The following ARHGEF7 variants were observed in gnomAD, a reference collection of about 807,000 sequenced individuals.
ARHGEF7 encodes the protein PAK-interacting exchange factor beta.
Under a neutral mutation model 109.8 loss-of-function variants are expected in ARHGEF7, and 33 were observed. That is an observed-to-expected ratio of 0.30 (90% CI 0.23 to 0.40). The LOEUF (loss-of-function observed/expected upper bound fraction) is 0.40. ARHGEF7 is among the 10% of genes least tolerant of loss of function. The pLI is 1.00. For synonymous variants in ARHGEF7, 458 were observed against 424.6 expected (o/e 1.08, Z -0.97); for missense variants, 938 against 1,098.5 (o/e 0.85, Z 2.07).
chr13:111,146,822 G>C (rs995551220), intron 1 of ARHGEF7, among the ~76,000 whole-genome samples: 3 of 152,182 alleles, frequency 2.0e-5, no homozygotes, highest in Admixed American at 1.3e-4. Context: ...GGATGCTTCT[G>C]AAGTCTGACC....
chr13:111,181,776 G>A (rs2078756740), intron 2 of ARHGEF7, among the ~76,000 whole-genome samples: 2 of 152,190 alleles, frequency 1.3e-5, no homozygotes, highest in Admixed American at 6.5e-5. Context: ...CTGTCATGGG[G>A]TTGGGACTCA....
In ARHGEF7 at chr13:111,253,053, G is replaced by A. The variant is rs2089975690; in HGVS notation, c.950+8759G>A. Among the ~76,000 whole-genome samples the A allele has an allele frequency of 2.0e-5, 3 of 152,266 alleles. No homozygotes were observed. The South Asian group carries it at 6.2e-4, about 31-fold the overall frequency. ...GCTGGAGCCCAGGCCCCCTTCTCCT[G>A]TTGGGGGCAGGGCCCCTGCCTCACT... On this transcript the variant is annotated intron_variant, in intron 8 of 21. Transcript: ENST00000646102.
intron 2 of ARHGEF7, among the ~76,000 whole-genome samples, chr13:111,168,850 G>A (rs971795852): frequency 6.6e-6 from 1 of 152,250 alleles, no homozygotes; most frequent in Non-Finnish European, 1.5e-5. Context: ...GATCGCCAGT[G>A]AAGTGTTTAT....
chr13:111,151,897 G>C (rs963055515), intron 1 of ARHGEF7, among the ~76,000 whole-genome samples: 1 of 152,102 alleles, frequency 6.6e-6, no homozygotes, highest in African/African-American at 2.4e-5. Flanking sequence ...AAAAGGCAGA[G>C]CATGGCCTTA....
intron 3 of ARHGEF7, among the ~76,000 whole-genome samples, chr13:111,208,166 G>A (rs746625513): frequency 3.9e-5 from 6 of 152,140 alleles, no homozygotes; most frequent in African/African-American, 1.2e-4. Context: ...TCGGCCTCCC[G>A]AGTAGCTGGG....
At chr13:111,269,621 C>T (rs747533425) in intron 9 of ARHGEF7, among the ~76,000 whole-genome samples, 10 of 152,120 alleles carry the variant, frequency 6.6e-5, no homozygotes, top group African/African-American at 1.9e-4. Context: ...GGCTGAGGCC[C>T]GCTCGGGACA....
intron 8 of ARHGEF7, among the ~76,000 whole-genome samples, chr13:111,257,112 T>A (rs1054436840): frequency 3.3e-5 from 5 of 152,244 alleles, no homozygotes; most frequent in African/African-American, 1.2e-4. Context: ...GCCTTTCTTG[T>A]TGCTGCCTGG....
intron 6 of ARHGEF7, among the ~76,000 whole-genome samples, chr13:111,240,853 A>C (rs2087645873): frequency 6.6e-6 from 1 of 152,200 alleles, no homozygotes; most frequent in Non-Finnish European, 1.5e-5. Flanking sequence ...AAAAAAAATT[A>C]ATGTTCTTTG....
At chr13:111,227,151 G>T (rs2085319051) in intron 5 of ARHGEF7, among the ~76,000 whole-genome samples, 1 of 152,218 alleles carries the variant, frequency 6.6e-6, no homozygotes, top group East Asian at 1.9e-4. Context: ...ATCTACCCTT[G>T]CTGAAGTGCC....
intron 2 of ARHGEF7, among the ~76,000 whole-genome samples, chr13:111,169,020 T>C (rs1050384934): frequency 4.6e-5 from 7 of 152,216 alleles, no homozygotes; most frequent in African/African-American, 1.7e-4. Context: ...TCTGAACTTT[T>C]TGGTGTTCAG....
intron 2 of ARHGEF7, among the ~76,000 whole-genome samples, chr13:111,176,738 G>C (rs2078202713): frequency 6.6e-6 from 1 of 152,190 alleles, no homozygotes; most frequent in Admixed American, 6.5e-5. Flanking sequence ...TCCTTAGGTA[G>C]TATTTGCTGA....
intron 1 of ARHGEF7, among the ~76,000 whole-genome samples, chr13:111,146,592 G>A (rs2075606122): frequency 6.6e-6 from 1 of 152,166 alleles, no homozygotes; most frequent in African/African-American, 2.4e-5. Context: ...CTTAATTGTT[G>A]AGATAACATT....
chr13:111,255,986 A>G lies in ARHGEF7; in HGVS notation c.951-11562A>G, dbSNP rs2090374291. On this transcript the variant is annotated intron_variant, in intron 8 of 21. Transcript: ENST00000646102. The surrounding 1 kb of genome is among the most constrained non-coding windows in gnomAD (Gnocchi z 4.1). Reference sequence around the variant, plus strand: ...GTATGATATTTCATTCGTTGTCTGGATCTTTTTAATGTCGATATTTTAATT... The same window carrying G: ...GTATGATATTTCATTCGTTGTCTGGGTCTTTTTAATGTCGATATTTTAATT... Among the ~76,000 whole-genome samples the G allele has an allele frequency of 6.6e-6, 1 of 152,324 alleles. No individual in the cohort carries two copies. The highest frequency in any genetic ancestry group is 1.9e-4 in the East Asian group (1 of 5,184).
intron 13 of ARHGEF7, 115 bp downstream of exon 13, chr13:111,277,788 GT>G: frequency 2.9e-6 from 2 of 693,240 alleles, no homozygotes; most frequent in Non-Finnish European, 5.0e-6. Context: ...TGTGTGTGTA[GT>G]GCTGTATATT....
intron 16 of ARHGEF7, among the ~76,000 whole-genome samples, chr13:111,284,506 G>A (rs566940308): frequency 2.0e-5 from 3 of 152,286 alleles, no homozygotes; most frequent in African/African-American, 7.2e-5. Context: ...ACAGTCTAAA[G>A]AAAAAGTGAG....
chr13:111,210,454 A>G (rs936477662), intron 4 of ARHGEF7, among the ~76,000 whole-genome samples: 1 of 152,246 alleles, frequency 6.6e-6, no homozygotes, highest in African/African-American at 2.4e-5. Context: ...TTACTAAGTC[A>G]GGATTTAGTT....
chr13:111,153,348 T>G (rs936726360), intron 1 of ARHGEF7, among the ~76,000 whole-genome samples: 1 of 151,710 alleles, frequency 6.6e-6, no homozygotes, highest in African/African-American at 2.4e-5. Context: ...GCGGGTGCGC[T>G]GTGTCTGCGG....
At chr13:111,216,850 T>G (rs930739320) in intron 4 of ARHGEF7, among the ~76,000 whole-genome samples, 1 of 152,214 alleles carries the variant, frequency 6.6e-6, no homozygotes, top group African/African-American at 2.4e-5. Flanking sequence ...CCTCCAGAGC[T>G]CTGTCCGGGG....
intron 2 of ARHGEF7, among the ~76,000 whole-genome samples, chr13:111,194,151 G>T (rs994988172): frequency 3.3e-5 from 5 of 152,208 alleles, no homozygotes; most frequent in Non-Finnish European, 7.3e-5. Flanking sequence ...CCTTAGTTAG[G>T]TATGCCACCG....
Sources: gnomAD v4.1 joint callset for allele counts (sites outside exome capture counted in the v4.1 genomes callset) on GRCh38, gnomAD v4.1.1 for gene constraint, Gnocchi (gnomAD v3.1) non-coding constraint, MANE v1.5 for transcripts, NCBI Gene and HGNC (gene_info 2026-07-23, HGNC 2026-07-21) for gene names.